The following ZNF26 variants were observed in gnomAD, a reference collection of about 807,000 sequenced individuals.
ZNF26 encodes the protein epididymis luminal protein 179.
Under a neutral mutation model 54.9 loss-of-function variants are expected in ZNF26, and 32 were observed. That is an observed-to-expected ratio of 0.58 (90% CI 0.44 to 0.78). The LOEUF (loss-of-function observed/expected upper bound fraction) is 0.78. Among genes scored for constraint, ZNF26 ranks in the 30% least tolerant of loss-of-function variants. The probability of loss-of-function intolerance (pLI) is 0.00; values close to 1 mark genes in which losing one functional copy is unlikely to be tolerated. For missense variants in ZNF26, 524 were observed against 634.0 expected, an observed-to-expected ratio of 0.83 and a Z score of 1.86; for synonymous variants, 221 against 209.2, an observed-to-expected ratio of 1.06 and a Z score of -0.49.
At chr12:132,998,152 T>C (rs918318957) in intron 1 of ZNF26, among the ~76,000 whole-genome samples, 24 of 151,594 alleles carry the variant, frequency 1.6e-4, no homozygotes, top group African/African-American at 4.6e-4. Context: ...TTGACTTTGC[T>C]GGAGCTTTTT....
At position 133,024,487 on chromosome 12, in the gene ZNF26, T is replaced by C. The variant is rs1229492283; in HGVS notation, c.*13006T>C. On this transcript the variant is annotated 3_prime_UTR_variant, in exon 4 of 4. Transcript: ENST00000328654. ...AGGATGCTACCTGGCTCCTCATTGC[T>C]TATAATAAAATGAGAGGAAAGAGAA... 1 of 152,190 alleles carries C rather than the reference T, an allele frequency of 6.6e-6. No homozygotes were observed. The highest frequency in any genetic ancestry group is 2.4e-5 in the African/African-American group (1 of 41,440). 9.4% of individuals were successfully genotyped at this position (152,190 alleles called of 1,614,324 possible).
chr12:133,016,620 G>GA lies in ZNF26; in HGVS notation c.*5151dup, dbSNP rs112827774. On this transcript the variant is annotated 3_prime_UTR_variant, in exon 4 of 4. Coordinates refer to ENST00000328654, the MANE Select transcript of ZNF26 (RefSeq NM_019591.4). ...GACAACAAAGCAAAACCCCATCTCT[G>GA]AAAAAAAAAAAATACCCCGGGATGG... is the stretch of plus-strand genomic sequence containing the variant. 4.7e-4 allele frequency: 65 copies of GA among 138,540 alleles called. No individual in the cohort carries two copies. The highest frequency in any genetic ancestry group is 3.6e-3 in the Middle Eastern group (1 of 278). 8.6% of individuals were successfully genotyped at this position (138,540 alleles called of 1,614,324 possible).
rs1460425459 is a variant in ZNF26, at chr12:133,015,002, GT to G, written c.*3523del. The G allele has an allele frequency of 1.3e-5, 2 of 152,168 alleles. No individual in the cohort carries two copies. The highest frequency in any genetic ancestry group is 3.9e-4 in the East Asian group (2 of 5,172). 9.4% of individuals were successfully genotyped at this position (152,168 alleles called of 1,614,324 possible). ...ACATGCTGGATTGTATCCATTATGTGTTCCTAAGACCCTCAGCCCTCTCCCT... is the reference window on the plus strand; with the variant it reads ...ACATGCTGGATTGTATCCATTATGTGTCCTAAGACCCTCAGCCCTCTCCCT... On this transcript the variant is annotated 3_prime_UTR_variant, in exon 4 of 4. Coordinates refer to ENST00000328654, the MANE Select transcript of ZNF26 (RefSeq NM_019591.4).
chr12:133,009,348 T>C (rs1281395734), intron 3 of ZNF26, among the ~76,000 whole-genome samples: 1 of 152,172 alleles, frequency 6.6e-6, no homozygotes, highest in Non-Finnish European at 1.5e-5. Context: ...ATCCCAGTAC[T>C]GTGGGAGGCC....
At chr12:132,994,996 C>T (rs1183712343) in intron 1 of ZNF26, among the ~76,000 whole-genome samples, 1 of 152,132 alleles carries the variant, frequency 6.6e-6, no homozygotes, top group East Asian at 1.9e-4. Flanking sequence ...CAAAATCTCC[C>T]TCCTGCCCAT....
chr12:133,006,452 AT>A, intron 1 of ZNF26: 1 of 225,056 alleles, frequency 4.4e-6, no homozygotes, highest in Non-Finnish European at 7.4e-6. Flanking sequence ...AGAACACCTT[AT>A]TTTGTTTGCA....
Position 132,986,879 on chromosome 12 carries a change from TAG to T in ZNF26, c.33+10_33+11del. The T allele has an allele frequency of 6.2e-7, 1 of 1,605,336 alleles. No homozygotes were observed. Among genetic ancestry groups the T allele is most frequent in the Non-Finnish European group, 8.5e-7 (1 of 1,175,932 alleles). On this transcript the variant is annotated splice_region_variant and intron_variant, in intron 1 of 3. Coordinates refer to ENST00000328654, the MANE Select transcript of ZNF26 (RefSeq NM_019591.4). Reference sequence around the variant, plus strand: ...TCCGGACAGCTTCGTGCTGGGTAAGTAGAGACTTTCCGTGTTTAAAATTCGAC... The same window carrying T: ...TCCGGACAGCTTCGTGCTGGGTAAGTAGACTTTCCGTGTTTAAAATTCGAC...
At chr12:132,998,700 G>T (rs1352367677) in intron 1 of ZNF26, among the ~76,000 whole-genome samples, 1 of 152,148 alleles carries the variant, frequency 6.6e-6, no homozygotes, top group Admixed American at 6.6e-5. Flanking sequence ...TTTCCAAGGG[G>T]CTTTTTATCA....
In ZNF26 at chr12:133,020,526, T is replaced by C. The variant is rs1388114031; in HGVS notation, c.*9045T>C. 1.3e-5 allele frequency: 2 copies of C among 152,226 alleles called. No homozygotes were observed. The highest frequency in any genetic ancestry group is 4.8e-5 in the African/African-American group (2 of 41,454). The allele number at this position is 152,226 out of a possible 1,614,324, so 9.4% of individuals were successfully genotyped here. ...AAAGAAGATATAATAATTATAAACA[T>C]GTATGTACCTAATAACAGCACCAAA... On this transcript the variant is annotated 3_prime_UTR_variant, in exon 4 of 4. Coordinates refer to ENST00000328654, the MANE Select transcript of ZNF26 (RefSeq NM_019591.4).
intron 1 of ZNF26, among the ~76,000 whole-genome samples, chr12:132,999,757 G>A (rs1384118214): frequency 6.6e-6 from 1 of 151,372 alleles, no homozygotes; most frequent in African/African-American, 2.4e-5. Flanking sequence ...GCAATTTTGT[G>A]ATCTCAGCTC....
In ZNF26 at chr12:133,014,184, G is replaced by A. The variant is rs1417949507; in HGVS notation, c.*2703G>A. 1.3e-5 allele frequency: 2 copies of A among 152,196 alleles called. No individual in the cohort carries two copies. Among genetic ancestry groups the A allele is most frequent in the African/African-American group, 4.8e-5 (2 of 41,444 alleles). 9.4% of individuals were successfully genotyped at this position (152,196 alleles called of 1,614,324 possible). ...ATGTAGAATTCATAGAGCATTGCAG[G>A]AATGAGTAATGTATCAAAACTTCTC... On this transcript the variant is annotated 3_prime_UTR_variant, in exon 4 of 4. Coordinates refer to ENST00000328654, the MANE Select transcript of ZNF26 (RefSeq NM_019591.4).
At chr12:132,992,392 T>C (rs1442739348) in intron 1 of ZNF26, among the ~76,000 whole-genome samples, 5 of 152,212 alleles carry the variant, frequency 3.3e-5, no homozygotes, top group African/African-American at 1.2e-4. Flanking sequence ...GTATTTTTTT[T>C]CATCTCTGGC....
Position 133,010,809 on chromosome 12 carries a change from A to C in ZNF26, c.930A>C (p.Gly310=). The C allele has an allele frequency of 6.2e-7, 1 of 1,614,060 alleles. No homozygotes were observed. Among genetic ancestry groups the C allele is most frequent in the Non-Finnish European group, 8.5e-7 (1 of 1,180,032 alleles). The change falls in exon 4 of 4, where the codon GGA becomes GGC. Residue 310 remains glycine, a synonymous_variant. Coordinates refer to ENST00000328654, the MANE Select transcript of ZNF26 (RefSeq NM_019591.4). ...TTGTACACCAGAGAACTCATACAGGAGTGAAACCCCATAAATGCAGTGAAT... is the reference window on the plus strand; with the variant it reads ...TTGTACACCAGAGAACTCATACAGGCGTGAAACCCCATAAATGCAGTGAAT... ...PFVVHQRTHT[G]VKPHKCSECG...
At chr12:132,989,623 T>C (rs1011564699) in intron 1 of ZNF26, among the ~76,000 whole-genome samples, 3 of 152,204 alleles carry the variant, frequency 2.0e-5, no homozygotes, top group Non-Finnish European at 4.4e-5. Context: ...TAATTTTGTG[T>C]GTGAAACAAA....
rs1953612520 is a variant in ZNF26 at position 133,019,634 on chromosome 12, C to T, written c.*8153C>T. ...CTGTTGGTGGGAGTGGAAATTAGTA[C>T]AGCCACTATGGAGAACAGTATGGAG... is the stretch of plus-strand genomic sequence containing the variant. On this transcript the variant is annotated 3_prime_UTR_variant, in exon 4 of 4. Transcript: ENST00000328654. The T allele has an allele frequency of 6.6e-6, 1 of 152,182 alleles. No homozygotes were observed. Among genetic ancestry groups the T allele is most frequent in the African/African-American group, 2.4e-5 (1 of 41,426 alleles). The allele number at this position is 152,182 out of a possible 1,614,324, so 9.4% of individuals were successfully genotyped here.
chr12:132,989,127 C>T (rs1371528107), intron 1 of ZNF26, among the ~76,000 whole-genome samples: 1 of 149,102 alleles, frequency 6.7e-6, no homozygotes, highest in East Asian at 2.0e-4. Context: ...ACCTCCACCT[C>T]CTGGGTTCAA....
In ZNF26 at chr12:133,024,370, G is replaced by T. The variant is rs4758900; in HGVS notation, c.*12889G>T. ...GAGACTTTTTTATGTAGTGACAGGT[G>T]TATCAACACTGTCACCTAATGTAAA... On this transcript the variant is annotated 3_prime_UTR_variant, in exon 4 of 4. Transcript: ENST00000328654. 0.92 allele frequency: 140,031 copies of T among 152,208 alleles called. 64,752 individuals carry two copies. The highest frequency in any genetic ancestry group is 1 in the East Asian group (5,159 of 5,166). 9.4% of individuals were successfully genotyped at this position (152,208 alleles called of 1,614,324 possible). A position where few individuals can be genotyped will look rare whatever the true frequency, so the allele number is the denominator to read the frequency against.
At chr12:132,999,762 C>T (rs1953170701) in intron 1 of ZNF26, among the ~76,000 whole-genome samples, 1 of 151,650 alleles carries the variant, frequency 6.6e-6, no homozygotes, top group African/African-American at 2.4e-5. Context: ...TTTGTGATCT[C>T]AGCTCACTAC....
Position 133,023,616 on chromosome 12 carries a change from G to A in ZNF26, c.*12135G>A, listed in dbSNP as rs1593681460. On this transcript the variant is annotated 3_prime_UTR_variant, in exon 4 of 4. Coordinates refer to ENST00000328654, the MANE Select transcript of ZNF26 (RefSeq NM_019591.4). ...TAATCAACCATGTTTTACATATGTG[G>A]CAGATTTTATTTTCTGAAGTGGGCT... The A allele has an allele frequency of 6.9e-6, 1 of 145,734 alleles. No homozygotes were observed. The highest frequency in any genetic ancestry group is 2.5e-5 in the African/African-American group (1 of 39,900). The allele number at this position is 145,734 out of a possible 1,614,324, so 9.0% of individuals were successfully genotyped here.
Sources: gnomAD v4.1 joint callset for allele counts (sites outside exome capture counted in the v4.1 genomes callset) on GRCh38, gnomAD v4.1.1 for gene constraint, MANE v1.5 for transcripts, NCBI Gene and HGNC (gene_info 2026-07-23, HGNC 2026-07-21) for gene names.